The following PRKD1 variants were observed in gnomAD, a reference collection of about 807,000 sequenced individuals.
PRKD1 encodes protein kinase D1.
A neutral mutation model predicts 95.9 loss-of-function variants in PRKD1; 63 were observed. That is an observed-to-expected ratio of 0.66 (90% CI 0.54 to 0.81). PRKD1 has a LOEUF of 0.81. PRKD1 is among the 30% of genes least tolerant of loss of function. The pLI is 0.00. For synonymous variants in PRKD1, 425 were observed against 423.1 expected (o/e 1.00, Z -0.05); for missense variants, 1,048 against 1,165.3 (o/e 0.90, Z 1.47).
chr14:29,744,625 T>C (rs1194076129), intron 1 of PRKD1, among the ~76,000 whole-genome samples: 2 of 152,106 alleles, frequency 1.3e-5, no homozygotes, highest in Non-Finnish European at 2.9e-5. Flanking sequence ...CAGCTCACTG[T>C]AGCCTCTACC....
Position 29,903,432 on chromosome 14 carries a change from G to A in PRKD1, c.264+23817C>T, listed in dbSNP as rs45478397. Among the ~76,000 whole-genome samples, 1,021 of 152,282 alleles carry A rather than the reference G, an allele frequency of 6.7e-3. 6 individuals are homozygous for A. The highest frequency in any genetic ancestry group is 0.01 in the Non-Finnish European group (697 of 68,004). ...TTATTCATACAGGCTCTCTCTCACG[G>A]ATACTACTGAGGAACAACCATCAGC... On this transcript the variant is annotated intron_variant, in intron 1 of 17. Coordinates refer to ENST00000331968, the MANE Select transcript of PRKD1 (RefSeq NM_002742.3).
At chr14:29,891,434 C>A (rs146239836) in intron 1 of PRKD1, among the ~76,000 whole-genome samples, 2 of 152,306 alleles carry the variant, frequency 1.3e-5, no homozygotes, top group East Asian at 3.9e-4. Flanking sequence ...CTGCCTCATG[C>A]ATGCACGCAT....
chr14:29,591,334 CAG>C (rs1261999144), intron 16 of PRKD1: 1 of 152,024 alleles, frequency 6.6e-6, no homozygotes, highest in Non-Finnish European at 1.5e-5. Flanking sequence ...TTAGAAATGA[CAG>C]AAATTTATAA....
At chr14:29,843,768 A>G (rs1891965075) in intron 1 of PRKD1, among the ~76,000 whole-genome samples, 1 of 152,204 alleles carries the variant, frequency 6.6e-6, no homozygotes, top group Non-Finnish European at 1.5e-5. Flanking sequence ...ACCTAATAAT[A>G]AATAAATGAG....
At chr14:29,659,284 A>G (rs1310494326) in intron 4 of PRKD1, among the ~76,000 whole-genome samples, 2 of 152,198 alleles carry the variant, frequency 1.3e-5, no homozygotes, top group African/African-American at 4.8e-5. Context: ...TTCTTTAAAT[A>G]TCATTTTGTG....
At position 29,663,853 on chromosome 14, in the gene PRKD1, C is replaced by A; in HGVS notation, c.542G>T (p.Gly181Val). The A allele has an allele frequency of 6.2e-7, 1 of 1,613,088 alleles. No homozygotes were observed. Among genetic ancestry groups the A allele is most frequent in the East Asian group, 2.2e-5 (1 of 44,864 alleles). The change falls in exon 4 of 18, where the codon GGT becomes GTT. Residue 181 changes from glycine to valine, a missense_variant. By Grantham distance (109) the Gly-to-Val change is moderately radical. Coordinates refer to ENST00000331968, the MANE Select transcript of PRKD1 (RefSeq NM_002742.3). ...VRQGLKCEGC[G>V]LNYHKRCAFK... Reference sequence around the variant, plus strand: ...TGCACATCTCTTATGGTAATTCAGACCACACCCTGGAAAGGGAAAATAAAA... The same window carrying A: ...TGCACATCTCTTATGGTAATTCAGAACACACCCTGGAAAGGGAAAATAAAA...
At chr14:29,842,342 C>A (rs1367199688) in intron 1 of PRKD1, among the ~76,000 whole-genome samples, 11 of 152,216 alleles carry the variant, frequency 7.2e-5, no homozygotes, top group Admixed American at 7.2e-4. Flanking sequence ...AAACAACTGG[C>A]AGTCAATGCA....
intron 16 of PRKD1, among the ~76,000 whole-genome samples, chr14:29,580,504 G>T (rs953564769): frequency 6.6e-6 from 1 of 152,042 alleles, no homozygotes; most frequent in African/African-American, 2.4e-5. Context: ...GCTTTTGGAA[G>T]CACACAACAG....
chr14:29,676,519 T>A (rs1883230994), intron 2 of PRKD1, among the ~76,000 whole-genome samples: 1 of 152,122 alleles, frequency 6.6e-6, no homozygotes, highest in African/African-American at 2.4e-5. Flanking sequence ...CAAGCCCAGC[T>A]AATTTTTGTA....
At chr14:29,846,360 G>T (rs1892077002) in intron 1 of PRKD1, among the ~76,000 whole-genome samples, 1 of 152,174 alleles carries the variant, frequency 6.6e-6, no homozygotes, top group Admixed American at 6.5e-5. Context: ...GTCAAGGGTG[G>T]TCTTCCTGAG....
intron 1 of PRKD1, among the ~76,000 whole-genome samples, chr14:29,912,518 G>C (rs1333864285): frequency 1.3e-5 from 2 of 152,208 alleles, no homozygotes; most frequent in African/African-American, 2.4e-5. Flanking sequence ...CAGAAACCAA[G>C]TATAGAGTAA....
chr14:29,684,179 C>T (rs1331169098), intron 2 of PRKD1, among the ~76,000 whole-genome samples: 3 of 142,586 alleles, frequency 2.1e-5, no homozygotes, highest in African/African-American at 7.9e-5. Flanking sequence ...GAGATGGAGT[C>T]TCACTCTATC....
chr14:29,638,027 T>A (rs930717112), intron 6 of PRKD1, among the ~76,000 whole-genome samples: 2 of 152,188 alleles, frequency 1.3e-5, no homozygotes, highest in African/African-American at 4.8e-5. Flanking sequence ...AGTTAATTTA[T>A]ACAGTTAGAG....
At chr14:29,689,342 T>C (rs993854734) in intron 2 of PRKD1, among the ~76,000 whole-genome samples, 1 of 151,706 alleles carries the variant, frequency 6.6e-6, no homozygotes, top group African/African-American at 2.4e-5. Context: ...AGGCAGCCAA[T>C]AAACATTTTT....
rs1436676810 is a variant in PRKD1 at position 29,748,574 on chromosome 14, C to T, written c.265-22900G>A. Among the ~76,000 whole-genome samples, 4 of 152,284 alleles carry T rather than the reference C, an allele frequency of 2.6e-5. No homozygotes were observed. The East Asian group carries it at 7.7e-4, about 29-fold the overall frequency. ...CTGATGGAATAAGATCTCACATAGG[C>T]CCTCAGCTCTTCTGTGCATATGTTT... On this transcript the variant is annotated intron_variant, in intron 1 of 17. Coordinates refer to ENST00000331968, the MANE Select transcript of PRKD1 (RefSeq NM_002742.3).
rs533461447 is a variant in PRKD1, at chr14:29,767,268, G to A, written c.265-41594C>T. Among the ~76,000 whole-genome samples the A allele has an allele frequency of 1.9e-4, 29 of 152,244 alleles. 1 individual carries two copies. Among genetic ancestry groups the A allele is most frequent in the African/African-American group, 6.7e-4 (28 of 41,540 alleles). On this transcript the variant is annotated intron_variant, in intron 1 of 17. Transcript: ENST00000331968. ...CTGAGAGTCTCCCAAAACTTGTGCA[G>A]TTAATGTCACCTAATTTATCTCTGA...
Position 29,630,843 on chromosome 14 carries a change from A to G in PRKD1, c.1571T>C (p.Val524Ala). Residue 524 changes from valine to alanine, a missense_variant, in exon 10 of 18, where the codon GTT becomes GCT. Around this residue, in one of 3 missense-constraint regions of PRKD1, gnomAD observed 739 missense variants for 861.9 expected, o/e 0.86. Transcript: ENST00000331968. ...SPNNSVLTSG[V>A]GADVARMWEI... ...CCACATCCTGGCCACATCTGCACCA[A>G]CGCCACTGGTGAGAACACTGTTATT... is the stretch of plus-strand genomic sequence containing the variant. The G allele has an allele frequency of 6.2e-7, 1 of 1,614,124 alleles. No individual in the cohort carries two copies. The highest frequency in any genetic ancestry group is 8.5e-7 in the Non-Finnish European group (1 of 1,179,996).
intron 4 of PRKD1, among the ~76,000 whole-genome samples, chr14:29,658,243 T>C (rs906591057): frequency 6.6e-6 from 1 of 152,240 alleles, no homozygotes; most frequent in East Asian, 1.9e-4. Flanking sequence ...TATTTGAAGA[T>C]GGTCTATGCA....
intron 1 of PRKD1, among the ~76,000 whole-genome samples, chr14:29,767,490 A>G (rs1007122815): frequency 1.3e-5 from 2 of 152,134 alleles, no homozygotes; most frequent in African/African-American, 4.8e-5. Flanking sequence ...GGTCTCTCAT[A>G]TATACATCTG....
Sources: gnomAD v4.1 joint callset for allele counts (sites outside exome capture counted in the v4.1 genomes callset) on GRCh38, gnomAD v4.1.1 for gene constraint, gnomAD v4.1.1 regional missense constraint, MANE v1.5 for transcripts, NCBI Gene and HGNC (gene_info 2026-07-23, HGNC 2026-07-21) for gene names.